SEC62: variants seen among roughly 807,000 people sequenced by gnomAD.
SEC62 encodes the protein translocation protein SEC62.
A neutral mutation model predicts 47.5 loss-of-function variants in SEC62; 10 were observed. The ratio of observed to expected loss-of-function variants is 0.21; its 90% CI spans 0.13 to 0.36. The LOEUF (loss-of-function observed/expected upper bound fraction) is 0.36. SEC62 is among the 10% of genes least tolerant of loss of function. The pLI, the probability that SEC62 is intolerant of heterozygous loss-of-function variation, is 1.00. For synonymous variants in SEC62, 136 were observed against 150.5 expected (o/e 0.90, Z 0.71); for missense variants, 327 against 464.1 (o/e 0.70, Z 2.71).
rs1208676010 is a variant in SEC62 at position 169,996,878 on chromosome 3, A to T, written c.*3815A>T. 1 of 152,166 alleles carries T rather than the reference A, an allele frequency of 6.6e-6. No homozygotes were observed. The highest frequency in any genetic ancestry group is 1.5e-5 in the Non-Finnish European group (1 of 68,022). The allele number at this position is 152,166 out of a possible 1,614,324, so 9.4% of individuals were successfully genotyped here. A position where few individuals can be genotyped will look rare whatever the true frequency, so the allele number is the denominator to read the frequency against. ...ATACTTATCTCCTCATAATATCTTCATGTAAAGAACCATCTGTTTCTTATT... is the reference window on the plus strand; with the variant it reads ...ATACTTATCTCCTCATAATATCTTCTTGTAAAGAACCATCTGTTTCTTATT... On this transcript the variant is annotated 3_prime_UTR_variant, in exon 8 of 8. Transcript: ENST00000337002.
At chr3:169,974,081 T>C (rs1159134599) in intron 1 of SEC62, among the ~76,000 whole-genome samples, 2 of 152,242 alleles carry the variant, frequency 1.3e-5, no homozygotes, top group Non-Finnish European at 2.9e-5. Context: ...AAACCCAACA[T>C]AGATAAGTTG....
rs1715376367 is a variant in SEC62, at chr3:169,996,376, AT to A, written c.*3315del. The A allele has an allele frequency of 6.6e-6, 1 of 152,628 alleles. No homozygotes were observed. The highest frequency in any genetic ancestry group is 1.5e-5 in the Non-Finnish European group (1 of 68,032). 9.5% of individuals were successfully genotyped at this position (152,628 alleles called of 1,614,324 possible). Reference sequence around the variant, plus strand: ...TCCACAGTATTTCAGGTCTTTGCTCATTCACTCAGTAATACTGAGCACTTAC... The same window carrying A: ...TCCACAGTATTTCAGGTCTTTGCTCATCACTCAGTAATACTGAGCACTTAC... On this transcript the variant is annotated 3_prime_UTR_variant, in exon 8 of 8. Coordinates refer to ENST00000337002, the MANE Select transcript of SEC62 (RefSeq NM_003262.4).
intron 3 of SEC62, among the ~76,000 whole-genome samples, chr3:169,979,436 A>C (rs1043704167): frequency 2.0e-5 from 3 of 152,190 alleles, no homozygotes; most frequent in African/African-American, 7.2e-5. Context: ...TTCTAATGTG[A>C]TCTATACCTT....
chr3:169,977,507 C>T (rs1191089589), intron 3 of SEC62, among the ~76,000 whole-genome samples: 1 of 152,124 alleles, frequency 6.6e-6, no homozygotes, highest in Non-Finnish European at 1.5e-5. Context: ...CTTCTAAAAT[C>T]AAGGAAGCTG....
In SEC62 at chr3:169,992,750, A is replaced by C. The variant is rs776763843; in HGVS notation, c.887A>C (p.Asp296Ala). 11 of 1,614,168 alleles carry C rather than the reference A, an allele frequency of 6.8e-6. No homozygotes were observed. The South Asian group carries it at 1.2e-4, about 18-fold the overall frequency. Residue 296 changes from aspartate (D) to alanine (A), a missense_variant, in exon 8 of 8, where the codon GAT becomes GCT. This residue lies in a region of SEC62 where 99 missense variants were observed against 194.0 expected (regional missense o/e 0.51). Transcript: ENST00000337002. The surrounding 1 kb of genome is among the most constrained non-coding windows in gnomAD (Gnocchi z 4.0). ...GGACCAAAAGCAGACTTAAAGAAAGATGAGAAGTCTGAAACCAAAAAGCAA... is the reference window on the plus strand; with the variant it reads ...GGACCAAAAGCAGACTTAAAGAAAGCTGAGAAGTCTGAAACCAAAAAGCAA... ...YKGPKADLKK[D>A]EKSETKKQQK...
Position 169,993,832 on chromosome 3 carries a change from C to CTA in SEC62, c.*770_*771insAT, listed in dbSNP as rs1715307644. ...ATAAAACATTTTATTTTAATTGTTA[C>CTA]TTATTATTTAGATATTTCTCAACAC... On this transcript the variant is annotated 3_prime_UTR_variant, in exon 8 of 8. Transcript: ENST00000337002. 1 of 152,444 alleles carries CTA rather than the reference C, an allele frequency of 6.6e-6. No homozygotes were observed. The highest frequency in any genetic ancestry group is 2.1e-4 in the South Asian group (1 of 4,816). 9.4% of individuals were successfully genotyped at this position (152,444 alleles called of 1,614,324 possible).
intron 3 of SEC62, among the ~76,000 whole-genome samples, chr3:169,980,810 C>T (rs1044427077): frequency 6.6e-6 from 1 of 152,094 alleles, no homozygotes; most frequent in Non-Finnish European, 1.5e-5. Context: ...TGTATGTGTA[C>T]ACATGTACTC....
chr3:169,995,661 A>T lies in SEC62; in HGVS notation c.*2598A>T, dbSNP rs1164971666. On this transcript the variant is annotated 3_prime_UTR_variant, in exon 8 of 8. Transcript: ENST00000337002. ...AATCTATTAGGAACTGGAAAACAGC[A>T]AGTATGGTTGATTCTCATTATTCAA... 6.6e-6 allele frequency: 1 copy of T among 152,126 alleles called. No individual in the cohort carries two copies. Among genetic ancestry groups the T allele is most frequent in the African/African-American group, 2.4e-5 (1 of 41,410 alleles). 9.4% of individuals were successfully genotyped at this position (152,126 alleles called of 1,614,324 possible).
intron 1 of SEC62, among the ~76,000 whole-genome samples, chr3:169,974,553 G>A (rs1714780657): frequency 6.6e-6 from 1 of 152,098 alleles, no homozygotes; most frequent in Non-Finnish European, 1.5e-5. Flanking sequence ...AAAAGATATA[G>A]AAGAAAGAAA....
At chr3:169,984,380 A>G (rs911033559) in intron 5 of SEC62, among the ~76,000 whole-genome samples, 1 of 152,234 alleles carries the variant, frequency 6.6e-6, no homozygotes, top group Non-Finnish European at 1.5e-5. Context: ...TTAATATAGT[A>G]CAGTGTGGTA....
At position 169,998,313 on chromosome 3, in the gene SEC62, ATGTTT is replaced by A. The variant is rs1378069105; in HGVS notation, c.*5258_*5262del. The stretch of plus-strand genomic sequence containing the variant: ...TTTAGTAAGTTACATGTGTTATGTG[ATGTTT>A]TGTTTTGATAGATTATATCTTACTC... On this transcript the variant is annotated 3_prime_UTR_variant, in exon 8 of 8. Transcript: ENST00000337002. 1 of 152,202 alleles carries A rather than the reference ATGTTT, an allele frequency of 6.6e-6. No homozygotes were observed. 9.4% of individuals were successfully genotyped at this position (152,202 alleles called of 1,614,324 possible). A position where few individuals can be genotyped will look rare whatever the true frequency, so the allele number is the denominator to read the frequency against.
chr3:169,985,628 G>A (rs368122475), intron 5 of SEC62, 177 bp from the exon 6 acceptor site: 44 of 461,748 alleles, frequency 9.5e-5, no homozygotes, highest in Admixed American at 4.1e-4. Flanking sequence ...ATTTTCTAGC[G>A]CCAGAAGAAC....
chr3:169,973,410 C>G (rs1004746413), intron 1 of SEC62, among the ~76,000 whole-genome samples: 4 of 151,982 alleles, frequency 2.6e-5, no homozygotes, highest in Admixed American at 6.6e-5. Context: ...GCCTGTAATC[C>G]CAAGACTTTG....
rs1275080024 is a variant in SEC62, at chr3:169,996,877, C to T, written c.*3814C>T. On this transcript the variant is annotated 3_prime_UTR_variant, in exon 8 of 8. Transcript: ENST00000337002. ...TATACTTATCTCCTCATAATATCTT[C>T]ATGTAAAGAACCATCTGTTTCTTAT... 6.6e-6 allele frequency: 1 copy of T among 152,176 alleles called. No homozygotes were observed. Among genetic ancestry groups the T allele is most frequent in the Non-Finnish European group, 1.5e-5 (1 of 68,032 alleles). The allele number at this position is 152,176 out of a possible 1,614,324, so 9.4% of individuals were successfully genotyped here. A position where few individuals can be genotyped will look rare whatever the true frequency, so the allele number is the denominator to read the frequency against.
chr3:169,980,357 G>C (rs1478460559), intron 3 of SEC62, among the ~76,000 whole-genome samples: 1 of 100,284 alleles, frequency 1.0e-5, no homozygotes, highest in Admixed American at 9.6e-5. Flanking sequence ...AAAAATGTCA[G>C]AGAGTTTTAT....
Position 169,996,454 on chromosome 3 carries a change from TGCACCA to T in SEC62, c.*3392_*3397del, listed in dbSNP as rs1454364954. 1.3e-5 allele frequency: 2 copies of T among 152,666 alleles called. No individual in the cohort carries two copies. The highest frequency in any genetic ancestry group is 2.9e-5 in the Non-Finnish European group (2 of 68,040). 9.5% of individuals were successfully genotyped at this position (152,666 alleles called of 1,614,324 possible). ...ACCATGAATAAAAATACAATTCTCTTGCACCATTAAATAGTGTGTTAAGTGCTACGG... is the reference window on the plus strand; with the variant it reads ...ACCATGAATAAAAATACAATTCTCTTTTAAATAGTGTGTTAAGTGCTACGG... On this transcript the variant is annotated 3_prime_UTR_variant, in exon 8 of 8. Coordinates refer to ENST00000337002, the MANE Select transcript of SEC62 (RefSeq NM_003262.4).
intron 5 of SEC62, chr3:169,985,008 A>G (rs1172566777): frequency 6.6e-6 from 1 of 152,110 alleles, no homozygotes; most frequent in Non-Finnish European, 1.5e-5. Flanking sequence ...AGGCAATGAA[A>G]TTAATACAGT....
At chr3:169,981,366 G>T (rs996470003) in intron 3 of SEC62, among the ~76,000 whole-genome samples, 3 of 152,164 alleles carry the variant, frequency 2.0e-5, no homozygotes, top group Non-Finnish European at 2.9e-5. Flanking sequence ...TAGAAACATA[G>T]GTGCTTCAGG....
At chr3:169,989,801 A>T (rs1384538589) in intron 7 of SEC62, among the ~76,000 whole-genome samples, 1 of 151,930 alleles carries the variant, frequency 6.6e-6, no homozygotes, top group African/African-American at 2.4e-5. Context: ...TTATGAACCA[A>T]ATAGTCTTCT....
Sources: allele counts gnomAD v4.1 joint callset (sites outside exome capture counted in the v4.1 genomes callset), GRCh38; gene constraint gnomAD v4.1.1; regional missense constraint gnomAD v4.1.1; non-coding constraint Gnocchi (gnomAD v3.1); transcripts MANE v1.5; gene names NCBI Gene and HGNC (gene_info 2026-07-23, HGNC 2026-07-21).